Variants in SNX8 observed in about 807,000 individuals in gnomAD.
SNX8 encodes the protein sorting nexin-8.
SNX8 carries 25 observed loss-of-function variants against 51.6 expected under a neutral mutation model. The ratio of observed to expected loss-of-function variants is 0.48; its 90% CI spans 0.35 to 0.68. SNX8 has a LOEUF of 0.68. SNX8 is among the 30% of genes least tolerant of loss of function. SNX8 has a pLI of 0.00. For missense variants in SNX8, 695 were observed against 624.0 expected (o/e 1.11, Z -1.21); for synonymous variants, 324 against 277.0 (o/e 1.17, Z -1.68).
intron 3 of SNX8, among the ~76,000 whole-genome samples, chr7:2,274,748 C>A (rs530236064): frequency 6.6e-6 from 1 of 152,226 alleles, no homozygotes; most frequent in African/African-American, 2.4e-5. Flanking sequence ...CAGGGCAATG[C>A]CAGCCAGGTG....
At chr7:2,289,512 C>T (rs939373885) in intron 1 of SNX8, among the ~76,000 whole-genome samples, 1 of 152,204 alleles carries the variant, frequency 6.6e-6, no homozygotes, top group African/African-American at 2.4e-5. Context: ...CCTCTTTTAA[C>T]ACAGTTGCGA....
At chr7:2,350,707 CACA>C (rs1207933536) in intron 1 of SNX8, among the ~76,000 whole-genome samples, 2 of 152,084 alleles carry the variant, frequency 1.3e-5, no homozygotes, top group African/African-American at 4.8e-5. Flanking sequence ...AGTGCAGTGG[CACA>C]ACCTCGGCTC....
chr7:2,294,729 G>A (rs80038783), intron 1 of SNX8, among the ~76,000 whole-genome samples: 7,017 of 152,212 alleles, frequency 0.046, 281 homozygotes, highest in African/African-American at 0.1. Context: ...TCTGCACTCC[G>A]AGGTCCCTGC....
At chr7:2,314,146 C>G (rs920501576) in intron 1 of SNX8, among the ~76,000 whole-genome samples, 182 bp downstream of exon 1, 1 of 152,204 alleles carries the variant, frequency 6.6e-6, no homozygotes, top group African/African-American at 2.4e-5. Flanking sequence ...ACGGGGACCC[C>G]CAAAGGACAG....
chr7:2,264,527 G>A (rs531964472), intron 5 of SNX8, 69 bp from the exon 6 acceptor site: 161 of 1,509,550 alleles, frequency 1.1e-4, no homozygotes, highest in Non-Finnish European at 1.4e-4. Context: ...GGCAGCAGCC[G>A]GTCCCCCAGA....
intron 1 of SNX8, among the ~76,000 whole-genome samples, chr7:2,343,647 C>T (rs1778971542): frequency 6.6e-6 from 1 of 152,018 alleles, no homozygotes; most frequent in Non-Finnish European, 1.5e-5. Context: ...TGCCCTCCAG[C>T]CTAGGCGACA....
At chr7:2,324,293 CTTT>C (rs370841279) in intron 1 of SNX8, among the ~76,000 whole-genome samples, 6 of 137,460 alleles carry the variant, frequency 4.4e-5, no homozygotes, top group African/African-American at 1.1e-4. Flanking sequence ...TTCTTTCTTT[CTTT>C]TTTTTTTTTT....
chr7:2,314,557 C>A (rs1230290100), upstream of SNX8: 95 of 887,556 alleles, frequency 1.1e-4, no homozygotes, highest in Non-Finnish European at 1.3e-4. Context: ...TCCGCCCCTG[C>A]GGGCCCGCCG....
At chr7:2,304,371 C>T (rs943042003) in intron 1 of SNX8, among the ~76,000 whole-genome samples, 3 of 150,598 alleles carry the variant, frequency 2.0e-5, no homozygotes, top group African/African-American at 7.3e-5. Context: ...GGTGAAACCC[C>T]ATCTCCACTA....
At chr7:2,325,158 A>G (rs1168551370) in intron 1 of SNX8, among the ~76,000 whole-genome samples, 1 of 152,120 alleles carries the variant, frequency 6.6e-6, no homozygotes, top group African/African-American at 2.4e-5. Context: ...AAATTTTTTT[A>G]GAGACAGAGT....
Position 2,269,555 on chromosome 7 carries a change from A to C in SNX8, c.621+4T>G. The C allele has an allele frequency of 6.6e-6, 10 of 1,520,348 alleles. No homozygotes were observed. The highest frequency in any genetic ancestry group is 8.8e-6 in the Non-Finnish European group (10 of 1,135,886). The allele number at this position is 1,520,348 out of a possible 1,614,324, so 94.2% of individuals were successfully genotyped here. A position where few individuals can be genotyped will look rare whatever the true frequency, so the allele number is the denominator to read the frequency against. On this transcript the variant is annotated splice_donor_region_variant and intron_variant, in intron 5 of 10. Transcript: ENST00000222990. ...AAAAAAAAAGAAAAAAAAAAGAAAA[A>C]TACCTTGGCCCTGGTAGCCAGCTTA...
At chr7:2,344,091 C>T (rs1021370137) in intron 1 of SNX8, among the ~76,000 whole-genome samples, 5 of 150,848 alleles carry the variant, frequency 3.3e-5, no homozygotes, top group African/African-American at 1.2e-4. Context: ...GTAGTCCCAG[C>T]TATTTGGGTG....
At chr7:2,330,693 C>T (rs1778714267) in intron 1 of SNX8, among the ~76,000 whole-genome samples, 2 of 151,988 alleles carry the variant, frequency 1.3e-5, no homozygotes, top group Admixed American at 1.3e-4. Context: ...GGAGGACACC[C>T]AGCTGTGCCT....
At chr7:2,306,016 C>A (rs1237878466) in intron 1 of SNX8, among the ~76,000 whole-genome samples, 2 of 152,222 alleles carry the variant, frequency 1.3e-5, no homozygotes, top group African/African-American at 2.4e-5. Context: ...GAACTACCAG[C>A]CTAATTGGTA....
chr7:2,271,095 G>A (rs1795634065), intron 4 of SNX8, among the ~76,000 whole-genome samples: 1 of 152,232 alleles, frequency 6.6e-6, no homozygotes. Flanking sequence ...CCAGGCTGGA[G>A]TGCAGTGGCA....
At chr7:2,328,909 C>T (rs1308362256) in intron 1 of SNX8, among the ~76,000 whole-genome samples, 1 of 151,784 alleles carries the variant, frequency 6.6e-6, no homozygotes, top group Non-Finnish European at 1.5e-5. Context: ...CATGGTGAAA[C>T]CCCGTCTCTA....
upstream of SNX8, among the ~76,000 whole-genome samples, chr7:2,318,417 G>A (rs553113731): frequency 2.6e-4 from 40 of 151,858 alleles, no homozygotes; most frequent in African/African-American, 6.5e-4. Context: ...CCAGCTACTC[G>A]GGAGGCTGAG....
intron 1 of SNX8, among the ~76,000 whole-genome samples, chr7:2,308,689 G>A (rs898636583): frequency 1.3e-5 from 2 of 148,962 alleles, no homozygotes; most frequent in African/African-American, 2.5e-5. Flanking sequence ...AAAAAAAAAG[G>A]GTCATGGAAG....
At chr7:2,295,499 G>C (rs960498033) in intron 1 of SNX8, among the ~76,000 whole-genome samples, 14 of 149,206 alleles carry the variant, frequency 9.4e-5, no homozygotes, top group African/African-American at 3.2e-4. Context: ...GAGAACAGGA[G>C]TGCAAGACTA....
Sources: allele counts gnomAD v4.1 joint callset (sites outside exome capture counted in the v4.1 genomes callset), GRCh38; gene constraint gnomAD v4.1.1; transcripts MANE v1.5; gene names NCBI Gene and HGNC (gene_info 2026-07-23, HGNC 2026-07-21).